The following NBAS variants were observed in gnomAD, a reference collection of about 807,000 sequenced individuals.
The protein encoded by NBAS is NAG/BC035112 fusion.
In NBAS, 219 loss-of-function variants were observed where a neutral mutation model predicts 302.5. That is an observed-to-expected ratio of 0.72 (90% CI 0.65 to 0.81). NBAS has a LOEUF of 0.81. Among genes scored for constraint, NBAS ranks in the 30% least tolerant of loss-of-function variants. The probability of loss-of-function intolerance (pLI) is 0.00; values close to 1 mark genes in which losing one functional copy is unlikely to be tolerated. For synonymous variants in NBAS, 1,118 were observed against 1,021.6 expected (o/e 1.09, Z -1.80); for missense variants, 2,932 against 2,841.6 (o/e 1.03, Z -0.72).
At chr2:15,179,976 T>C (rs1664745103) in intron 50 of NBAS, 2 of 152,200 alleles carry the variant, frequency 1.3e-5, no homozygotes, top group Admixed American at 1.3e-4. Context: ...AGAGAACACT[T>C]TGGACCAAAA....
the NBAS span, among the ~76,000 whole-genome samples, chr2:15,066,700 G>T: frequency 2.0e-5 from 3 of 152,174 alleles, no homozygotes; most frequent in Admixed American, 2.0e-4. Flanking sequence ...CAAAAGGTAA[G>T]TGTTGGCAAA....
the NBAS span, among the ~76,000 whole-genome samples, chr2:14,936,759 A>G: frequency 6.6e-6 from 1 of 152,324 alleles, no homozygotes; most frequent in South Asian, 2.1e-4. Flanking sequence ...AAACAGTAAA[A>G]GAGGGCACCA....
the NBAS span, among the ~76,000 whole-genome samples, chr2:14,789,323 T>C: frequency 1.3e-5 from 2 of 152,172 alleles, no homozygotes; most frequent in Admixed American, 6.5e-5. Context: ...GGCTGGCACA[T>C]GGTGTGCTGC....
downstream of NBAS, among the ~76,000 whole-genome samples, chr2:15,163,797 C>CT (rs34305039): frequency 6.2e-3 from 890 of 143,336 alleles, 7 homozygotes; most frequent in South Asian, 0.016. Context: ...AGTATTACAA[C>CT]TTTTTTTTTT....
At chr2:15,000,646 A>C in the NBAS span, among the ~76,000 whole-genome samples, 58 of 152,328 alleles carry the variant, frequency 3.8e-4, no homozygotes, top group African/African-American at 1.3e-3. Context: ...CAAGATTCCA[A>C]GAAATTGTGA....
chr2:14,932,991 C>T, the NBAS span, among the ~76,000 whole-genome samples: 33 of 152,212 alleles, frequency 2.2e-4, no homozygotes, highest in South Asian at 8.3e-4. Context: ...TATTTTTTGA[C>T]GAAAGAAGGA....
intron 6 of NBAS, among the ~76,000 whole-genome samples, chr2:15,548,444 C>T (rs770379483): frequency 3.3e-5 from 5 of 152,026 alleles, no homozygotes; most frequent in South Asian, 2.1e-4. Flanking sequence ...GAGTTCAAGA[C>T]CAGCCTGGCC....
intron 47 of NBAS, among the ~76,000 whole-genome samples, chr2:15,227,217 G>A (rs1667184187): frequency 6.6e-6 from 1 of 151,964 alleles, no homozygotes; most frequent in Non-Finnish European, 1.5e-5. Flanking sequence ...TATGCCAATA[G>A]CAAACAATCT....
chr2:14,813,440 G>A, the NBAS span, among the ~76,000 whole-genome samples: 3,347 of 152,230 alleles, frequency 0.022, 67 homozygotes, highest in Admixed American at 0.052. Flanking sequence ...AATCATCCTC[G>A]TTATGTTTTA....
the NBAS span, among the ~76,000 whole-genome samples, chr2:15,109,479 C>T: frequency 4.6e-5 from 7 of 152,256 alleles, no homozygotes; most frequent in Non-Finnish European, 1.0e-4. Flanking sequence ...CTATGGGGTG[C>T]TATGTGAACA....
At chr2:15,047,019 T>C in the NBAS span, among the ~76,000 whole-genome samples, 1 of 152,108 alleles carries the variant, frequency 6.6e-6, no homozygotes, top group African/African-American at 2.4e-5. Context: ...AGATGGGAAG[T>C]TTACACTCTA....
chr2:15,313,971 T>A (rs547554212), intron 38 of NBAS, among the ~76,000 whole-genome samples: 1 of 152,312 alleles, frequency 6.6e-6, no homozygotes, highest in Non-Finnish European at 1.5e-5. Flanking sequence ...GAATAGTAAT[T>A]CTATTTAAAT....
At chr2:14,922,160 G>A in the NBAS span, among the ~76,000 whole-genome samples, 1 of 152,216 alleles carries the variant, frequency 6.6e-6, no homozygotes, top group Non-Finnish European at 1.5e-5. Context: ...AAACAGAGAT[G>A]TCAGAAAAGG....
chr2:15,061,812 T>C, the NBAS span, among the ~76,000 whole-genome samples: 2 of 152,252 alleles, frequency 1.3e-5, no homozygotes, highest in Admixed American at 1.3e-4. Context: ...AATACATGGC[T>C]AAAACCCTTA....
At chr2:14,957,531 C>T in the NBAS span, among the ~76,000 whole-genome samples, 1 of 151,892 alleles carries the variant, frequency 6.6e-6, no homozygotes, top group African/African-American at 2.4e-5. Context: ...TTCTTGGGCT[C>T]CTCCAATTTT....
chr2:15,114,154 G>T, the NBAS span, among the ~76,000 whole-genome samples: 1 of 152,162 alleles, frequency 6.6e-6, no homozygotes, highest in Non-Finnish European at 1.5e-5. Context: ...AATCATAAAG[G>T]TGGAGAATGG....
intron 33 of NBAS, among the ~76,000 whole-genome samples, chr2:15,354,460 G>T (rs910522163): frequency 3.3e-5 from 5 of 152,104 alleles, no homozygotes; most frequent in African/African-American, 1.2e-4. Flanking sequence ...AATTAATTCA[G>T]CTATTACCCT....
the NBAS span, among the ~76,000 whole-genome samples, chr2:15,026,748 C>T: frequency 6.6e-6 from 1 of 152,110 alleles, no homozygotes. Flanking sequence ...CCATATTGTA[C>T]ATGCAGTTTT....
At chr2:15,165,641 C>T (rs1663999402), downstream of NBAS, among the ~76,000 whole-genome samples, 1 of 152,126 alleles carries the variant, frequency 6.6e-6, no homozygotes, top group African/African-American at 2.4e-5. Flanking sequence ...GGGAACCCAA[C>T]CAGGTTGTGT....
Sources: allele counts gnomAD v4.1 joint callset (sites outside exome capture counted in the v4.1 genomes callset), GRCh38; gene constraint gnomAD v4.1.1; transcripts MANE v1.5; gene names NCBI Gene and HGNC (gene_info 2026-07-23, HGNC 2026-07-21).